Variants in MEGF6 observed in about 807,000 individuals in gnomAD.
MEGF6 encodes the protein multiple epidermal growth factor-like domains protein 6.
In MEGF6, 184 loss-of-function variants were observed where a neutral mutation model predicts 207.1. The observed-to-expected ratio is 0.89, with a 90% CI of 0.79 to 1.00. The LOEUF (loss-of-function observed/expected upper bound fraction) is 1.00, where lower values mean the gene tolerates loss of function less well. MEGF6 is among the 50% of genes least tolerant of loss of function. The pLI is 0.00. For synonymous variants in MEGF6, 1,038 were observed against 910.0 expected, an observed-to-expected ratio of 1.14 and a Z score of -2.53; for missense variants, 2,282 against 2,202.9, an observed-to-expected ratio of 1.04 and a Z score of -0.72.
chr1:3,620,737 T>C, the MEGF6 span, among the ~76,000 whole-genome samples: 1 of 152,088 alleles, frequency 6.6e-6, no homozygotes, highest in South Asian at 2.1e-4. Context: ...GAGAAAGAGA[T>C]AGAAGAAAAG....
At chr1:3,621,576 C>T in the MEGF6 span, among the ~76,000 whole-genome samples, 7 of 152,172 alleles carry the variant, frequency 4.6e-5, no homozygotes, top group Admixed American at 2.6e-4. Context: ...TTTTATATAT[C>T]TTATTACACC....
chr1:3,579,349 A>G (rs1163577840), intron 4 of MEGF6, among the ~76,000 whole-genome samples: 1 of 152,186 alleles, frequency 6.6e-6, no homozygotes, highest in African/African-American at 2.4e-5. Context: ...TCCTGCTTCA[A>G]CCTGGTCTTC....
intron 4 of MEGF6, among the ~76,000 whole-genome samples, chr1:3,552,761 T>G (rs1362219776): frequency 6.6e-6 from 1 of 152,106 alleles, no homozygotes; most frequent in Non-Finnish European, 1.5e-5. Context: ...CCTGCCAGGG[T>G]GGCTTGAGGG....
chr1:3,576,498 T>A (rs893391366), intron 4 of MEGF6, among the ~76,000 whole-genome samples: 1 of 151,944 alleles, frequency 6.6e-6, no homozygotes, highest in African/African-American at 2.4e-5. Context: ...AATTGGGGGG[T>A]TAGTGAAATA....
intron 34 of MEGF6, 132 bp downstream of exon 34, chr1:3,493,627 CCAGGGGGCACAG>C: frequency 8.5e-7 from 1 of 1,171,882 alleles, no homozygotes; most frequent in Non-Finnish European, 1.2e-6. Context: ...TCCAGCCCCC[CCAGGGGGCACAG>C]TCCAGGTGCA....
Position 3,498,416 on chromosome 1 carries a change from G to T in MEGF6, c.3307C>A (p.Arg1103Ser). The T allele has an allele frequency of 3.8e-6, 6 of 1,591,534 alleles. No homozygotes were observed. Among genetic ancestry groups the T allele is most frequent in the Non-Finnish European group, 5.1e-6 (6 of 1,172,378 alleles). ...GTCCAGCCGGCTGGGCAGAGGCAGC[G>T]GCCCGTGTGCGGGTCACACAGGCCC... Reference protein sequence around the residue: ...NGGLCDPHTGRCLCPAGWTGD... With the variant: ...NGGLCDPHTGSCLCPAGWTGD... The change falls in exon 26 of 37, where the codon CGC (arginine) becomes AGC (serine). Residue 1103 changes from arginine to serine, a missense_variant. By Grantham distance (110) the Arg-to-Ser change is moderately radical (BLOSUM62 -1). Transcript: ENST00000356575.
chr1:3,517,964 C>T (rs938876276), intron 5 of MEGF6, among the ~76,000 whole-genome samples: 3 of 152,244 alleles, frequency 2.0e-5, no homozygotes, highest in South Asian at 2.1e-4. Flanking sequence ...TGCATAATCG[C>T]ACCGCGTGCT....
chr1:3,504,089 G>C (rs925891214), intron 17 of MEGF6, among the ~76,000 whole-genome samples: 18 of 152,116 alleles, frequency 1.2e-4, no homozygotes, highest in Admixed American at 1.2e-3. Flanking sequence ...TGAGTCCAGA[G>C]AGCCCCCTGG....
intron 1 of MEGF6, among the ~76,000 whole-genome samples, chr1:3,610,616 C>T (rs1644312759): frequency 6.6e-6 from 1 of 152,268 alleles, no homozygotes; most frequent in Admixed American, 6.5e-5. Flanking sequence ...TCTCGGCTGG[C>T]TTCCTGCCCA....
At chr1:3,571,368 G>A (rs923883735) in intron 4 of MEGF6, among the ~76,000 whole-genome samples, 62 of 152,284 alleles carry the variant, frequency 4.1e-4, no homozygotes, top group African/African-American at 1.4e-3. Context: ...CGAGCACAGA[G>A]AGCAGGAAAA....
At chr1:3,528,415 A>G (rs1041241367) in intron 4 of MEGF6, among the ~76,000 whole-genome samples, 3 of 152,186 alleles carry the variant, frequency 2.0e-5, no homozygotes, top group Non-Finnish European at 2.9e-5. Context: ...TGATCTGAAG[A>G]GCCGTAGGCG....
rs1644024860 is a variant in MEGF6, at chr1:3,594,285, C to A, written c.376+1053G>T. Among the ~76,000 whole-genome samples the A allele has an allele frequency of 6.6e-6, 1 of 152,152 alleles. No homozygotes were observed. Among genetic ancestry groups the A allele is most frequent in the Non-Finnish European group, 1.5e-5 (1 of 68,022 alleles). On this transcript the variant is annotated intron_variant, in intron 3 of 36. Coordinates refer to ENST00000356575, the MANE Select transcript of MEGF6 (RefSeq NM_001409.4). The surrounding 1 kb of genome is among the most constrained non-coding windows in gnomAD (Gnocchi z 4.2). ...CTCTACAAAAAATACAATAATTATT[C>A]AAGCGTGGTGGTGCACACCTACAGT...
intron 2 of MEGF6, among the ~76,000 whole-genome samples, chr1:3,601,168 C>T (rs1018273922): frequency 6.6e-6 from 1 of 152,222 alleles, no homozygotes; most frequent in East Asian, 1.9e-4. Flanking sequence ...AGAAATCATG[C>T]CCCCATAGCG....
At chr1:3,495,684 T>C (rs1229538044) in intron 30 of MEGF6, among the ~76,000 whole-genome samples, 1 of 152,242 alleles carries the variant, frequency 6.6e-6, no homozygotes, top group East Asian at 1.9e-4. Flanking sequence ...TGGGGTGGCA[T>C]GGGACGGTCC....
intron 3 of MEGF6, among the ~76,000 whole-genome samples, chr1:3,584,712 T>C (rs1643869479): frequency 6.6e-6 from 1 of 152,228 alleles, no homozygotes; most frequent in African/African-American, 2.4e-5. Flanking sequence ...GATCAGGGAC[T>C]CCTGCCCCTT....
At chr1:3,543,506 C>A (rs1443874108) in intron 4 of MEGF6, among the ~76,000 whole-genome samples, 1 of 152,240 alleles carries the variant, frequency 6.6e-6, no homozygotes, top group Non-Finnish European at 1.5e-5. Flanking sequence ...AGGGCCCCCT[C>A]GGCCACACGG....
chr1:3,584,130 C>T (rs530538053), intron 3 of MEGF6, among the ~76,000 whole-genome samples: 2 of 152,240 alleles, frequency 1.3e-5, no homozygotes, highest in Non-Finnish European at 2.9e-5. Context: ...CAGGGTGCCA[C>T]CGGCGCAGGA....
At chr1:3,518,306 A>G (rs1428347763) in intron 5 of MEGF6, among the ~76,000 whole-genome samples, 1 of 152,122 alleles carries the variant, frequency 6.6e-6, no homozygotes, top group Non-Finnish European at 1.5e-5. Context: ...CAGTTTGCCA[A>G]TTCTAGGAGA....
chr1:3,531,844 G>T (rs1007624656), intron 4 of MEGF6, among the ~76,000 whole-genome samples: 1 of 152,128 alleles, frequency 6.6e-6, no homozygotes, highest in Non-Finnish European at 1.5e-5. Context: ...GGGCGGGGGA[G>T]GGGGGCCTGC....
Sources: allele counts gnomAD v4.1 joint callset (sites outside exome capture counted in the v4.1 genomes callset), GRCh38; gene constraint gnomAD v4.1.1; non-coding constraint Gnocchi (gnomAD v3.1); transcripts MANE v1.5; gene names NCBI Gene and HGNC (gene_info 2026-07-23, HGNC 2026-07-21).